Variants in YTHDC1 observed in about 807,000 individuals in gnomAD.
YTHDC1 encodes the protein YTH N6-methyladenosine RNA binding protein C1, also known as YTH domain-containing protein 1.
Under a neutral mutation model 107.0 loss-of-function variants are expected in YTHDC1, and 12 were observed. That is an observed-to-expected ratio of 0.11 (90% CI 0.07 to 0.18). The LOEUF (loss-of-function observed/expected upper bound fraction) is 0.18, where lower values mean the gene tolerates loss of function less well. Ranked by LOEUF, YTHDC1 falls within the 10% of genes least tolerant of loss-of-function variation. The pLI is 1.00. For missense variants in YTHDC1, 635 were observed against 898.8 expected (o/e 0.71, Z 3.75); for synonymous variants, 280 against 289.5 (o/e 0.97, Z 0.33).
Position 68,332,786 on chromosome 4 carries a change from A to C in YTHDC1, c.1027+8T>G. The C allele has an allele frequency of 6.2e-7, 1 of 1,612,466 alleles. No individual in the cohort carries two copies. ...TGCAATGAAAACAATTTCAAATTTA[A>C]ATGATACCTTTTCGGACAGCACGAA... is the stretch of plus-strand genomic sequence containing the variant. On this transcript the variant is annotated splice_region_variant and intron_variant, in intron 6 of 16. Coordinates refer to ENST00000344157, the MANE Select transcript of YTHDC1 (RefSeq NM_001031732.4).
chr4:68,316,184 T>A (rs374494445), intron 16 of YTHDC1, 130 bp downstream of exon 16: 1 of 995,178 alleles, frequency 1.0e-6, no homozygotes, highest in Non-Finnish European at 1.4e-6. Context: ...AAACAAACAA[T>A]TATTCCAAAA....
chr4:68,318,469 T>C (rs1722103890), intron 15 of YTHDC1, 50 bp downstream of exon 15: 17 of 1,511,440 alleles, frequency 1.1e-5, no homozygotes, highest in Non-Finnish European at 1.5e-5. Flanking sequence ...CCTGAAATAC[T>C]AGAACTGCAA....
intron 10 of YTHDC1, among the ~76,000 whole-genome samples, chr4:68,323,354 T>C (rs767291632): frequency 2.6e-4 from 39 of 152,238 alleles, no homozygotes; most frequent in Non-Finnish European, 4.7e-4. Flanking sequence ...ATCTATGGGC[T>C]CTTTAAAATT....
intron 9 of YTHDC1, among the ~76,000 whole-genome samples, chr4:68,324,785 ATTT>A (rs1329144511): frequency 1.3e-5 from 2 of 152,148 alleles, no homozygotes; most frequent in Non-Finnish European, 1.5e-5. Flanking sequence ...ACAATAGATA[ATTT>A]ATTTATAAAT....
Position 68,317,979 on chromosome 4 carries a change from T to G in YTHDC1, c.1824+540A>C, listed in dbSNP as rs189252948. Among the ~76,000 whole-genome samples, 22 of 152,244 alleles carry G rather than the reference T, an allele frequency of 1.4e-4. 1 individual carries two copies. The highest frequency in any genetic ancestry group is 2.4e-4 in the Non-Finnish European group (16 of 68,034). ...AATATATCTGAACCCAAGCGGACTTTGCACTACTAATTACTACCATAATAC... is the reference window on the plus strand; with the variant it reads ...AATATATCTGAACCCAAGCGGACTTGGCACTACTAATTACTACCATAATAC... On this transcript the variant is annotated intron_variant, in intron 15 of 16. Coordinates refer to ENST00000344157, the MANE Select transcript of YTHDC1 (RefSeq NM_001031732.4).
chr4:68,345,767 G>A (rs371993919), intron 1 of YTHDC1, among the ~76,000 whole-genome samples: 3 of 151,848 alleles, frequency 2.0e-5, no homozygotes, highest in South Asian at 4.2e-4. Context: ...CTATAGTGAG[G>A]GCCATAGTAT....
rs552523332 is a variant in YTHDC1, at chr4:68,321,344, T to G, written c.1602-1139A>C. On this transcript the variant is annotated intron_variant, in intron 11 of 16. Transcript: ENST00000344157. ...CTACAATAAATAATACTAAGAAAAT[T>G]AAAAGCTGGTTTAAAAAATAAACAT... is the stretch of plus-strand genomic sequence containing the variant. 3.9e-5 allele frequency among the ~76,000 whole-genome samples: 6 copies of G among 152,252 alleles called. No individual in the cohort carries two copies. The East Asian group carries it at 1.2e-3, about 29-fold the overall frequency.
intron 7 of YTHDC1, among the ~76,000 whole-genome samples, chr4:68,331,144 C>T (rs1293308180): frequency 6.6e-6 from 1 of 152,120 alleles, no homozygotes; most frequent in African/African-American, 2.4e-5. Context: ...ATACTTATAC[C>T]TAATACAATG....
In YTHDC1 at chr4:68,337,685, G is replaced by A. The variant is rs200384143; in HGVS notation, c.346C>T (p.Arg116Cys). ...NKRLDADRKI[R>C]LSSSASREPY... The stretch of plus-strand genomic sequence containing the variant: ...TCTCTGGAGGCACTACTTGATAGAC[G>A]AATTTTCCGATCAGCATCTAGACGC... The change falls in exon 3 of 17, where the codon CGT becomes TGT. Residue 116 changes from arginine to cysteine, a missense_variant. Arg to Cys is a radical substitution (Grantham distance 180). Coordinates refer to ENST00000344157, the MANE Select transcript of YTHDC1 (RefSeq NM_001031732.4). 3.3e-5 allele frequency: 54 copies of A among 1,614,096 alleles called. No homozygotes were observed. The highest frequency in any genetic ancestry group is 2.5e-4 in the East Asian group (11 of 44,876).
chr4:68,341,587 GAA>G (rs796864561), intron 1 of YTHDC1, among the ~76,000 whole-genome samples: 1 of 132,968 alleles, frequency 7.5e-6, no homozygotes, highest in Non-Finnish European at 1.6e-5. Context: ...TTATTAACAA[GAA>G]AAAAAAAAAA....
At position 68,350,007 on chromosome 4, in the gene YTHDC1, G is replaced by C. The variant is rs1725933992; in HGVS notation, c.-254C>G. ...GGGCTCAGACTCGGGCTAGGTATGG[G>C]GGAGGGAAGGGAAACAGATGGCGAC... is the stretch of plus-strand genomic sequence containing the variant. On this transcript the variant is annotated 5_prime_UTR_variant, in exon 1 of 17. Transcript: ENST00000344157. 2 of 579,302 alleles carry C rather than the reference G, an allele frequency of 3.5e-6. No individual in the cohort carries two copies. The highest frequency in any genetic ancestry group is 4.3e-5 in the South Asian group (2 of 46,888). 35.9% of individuals were successfully genotyped at this position (579,302 alleles called of 1,614,324 possible). A position where few individuals can be genotyped will look rare whatever the true frequency, so the allele number is the denominator to read the frequency against.
rs755562004 is a variant in YTHDC1, at chr4:68,337,162, A to ATTC, written c.745_747dup (p.Glu249dup). On this transcript the variant is annotated inframe_insertion, in exon 4 of 17. Coordinates refer to ENST00000344157, the MANE Select transcript of YTHDC1 (RefSeq NM_001031732.4). ...TTCTGGTCTCTCTCATCCTGTTCAT[A>ATTC]TTCTTCTTCTTCCTCCTCCTCCTCC... 5.0e-6 allele frequency: 8 copies of ATTC among 1,612,492 alleles called. No individual in the cohort carries two copies. Among genetic ancestry groups the ATTC allele is most frequent in the Non-Finnish European group, 6.8e-6 (8 of 1,179,430 alleles).
At chr4:68,336,995 T>A (rs1432593652) in intron 4 of YTHDC1, 32 bp downstream of exon 4, 1 of 1,537,356 alleles carries the variant, frequency 6.5e-7, no homozygotes, top group African/African-American at 1.4e-5. Flanking sequence ...AAGCTTTTTT[T>A]AAGACAAACT....
At position 68,311,395 on chromosome 4, in the gene YTHDC1, A is replaced by G. The variant is rs1721292919; in HGVS notation, c.*2704T>C. On this transcript the variant is annotated 3_prime_UTR_variant, in exon 17 of 17. Coordinates refer to ENST00000344157, the MANE Select transcript of YTHDC1 (RefSeq NM_001031732.4). The stretch of plus-strand genomic sequence containing the variant: ...CTCCTTTGAACTATTACTCCAGCCA[A>G]TAAAATCCCTGACCGGATTTCTAAA... The G allele has an allele frequency of 6.6e-6, 1 of 152,184 alleles. No homozygotes were observed. Among genetic ancestry groups the G allele is most frequent in the African/African-American group, 2.4e-5 (1 of 41,442 alleles). The allele number at this position is 152,184 out of a possible 1,614,324, so 9.4% of individuals were successfully genotyped here.
At chr4:68,319,284 AAACTT>A (rs1722186091) in intron 12 of YTHDC1, among the ~76,000 whole-genome samples, 1 of 152,172 alleles carries the variant, frequency 6.6e-6, no homozygotes, top group East Asian at 1.9e-4. Flanking sequence ...TTTAAAATGT[AAACTT>A]AAGGGGGAGG....
chr4:68,340,679 T>C (rs1225204318), intron 1 of YTHDC1, among the ~76,000 whole-genome samples: 2 of 152,062 alleles, frequency 1.3e-5, no homozygotes, highest in East Asian at 3.9e-4. Flanking sequence ...TCAAATACAT[T>C]TGTAGAAGAC....
At chr4:68,339,422 A>C (rs1019450302) in intron 1 of YTHDC1, among the ~76,000 whole-genome samples, 1 of 152,232 alleles carries the variant, frequency 6.6e-6, no homozygotes, top group Admixed American at 6.5e-5. Flanking sequence ...CATAATTGGA[A>C]AAACTGGTGA....
chr4:68,319,048 A>G (rs1388889012), intron 12 of YTHDC1, among the ~76,000 whole-genome samples, 186 bp from the exon 13 acceptor site: 1 of 152,194 alleles, frequency 6.6e-6, no homozygotes, highest in Non-Finnish European at 1.5e-5. Flanking sequence ...GGAAATAACT[A>G]ATGATATCAT....
Position 68,333,409 on chromosome 4 carries a change from A to G in YTHDC1, c.884-12T>C, listed in dbSNP as rs1723805443. ...CTTCTTTTTCTCATCTAAAAAGAAC[A>G]AGAGTTTTTTTTTTAAATCACAATA... is the stretch of plus-strand genomic sequence containing the variant. On this transcript the variant is annotated splice_polypyrimidine_tract_variant and intron_variant, in intron 4 of 16. Coordinates refer to ENST00000344157, the MANE Select transcript of YTHDC1 (RefSeq NM_001031732.4). 9 of 1,580,540 alleles carry G rather than the reference A, an allele frequency of 5.7e-6. No individual in the cohort carries two copies. The East Asian group carries it at 1.3e-4, about 24-fold the overall frequency.
Sources: allele counts gnomAD v4.1 joint callset (sites outside exome capture counted in the v4.1 genomes callset), GRCh38; gene constraint gnomAD v4.1.1; transcripts MANE v1.5; gene names NCBI Gene and HGNC (gene_info 2026-07-23, HGNC 2026-07-21).